LGSN: variants seen among roughly 807,000 people sequenced by gnomAD.
The protein encoded by LGSN is lengsin, lens protein with glutamine synthetase domain, also known as lengsin.
In LGSN, 21 loss-of-function variants were observed where a neutral mutation model predicts 19.5. The ratio of observed to expected loss-of-function variants is 1.07; its 90% CI spans 0.76 to 1.55. The LOEUF (loss-of-function observed/expected upper bound fraction) is 1.55. Ranked by LOEUF, LGSN falls within the 40% of genes most tolerant of loss-of-function variation. The probability of loss-of-function intolerance (pLI) is 0.00; values close to 1 mark genes in which losing one functional copy is unlikely to be tolerated. For synonymous variants in LGSN, 257 were observed against 215.6 expected, an observed-to-expected ratio of 1.19 and a Z score of -1.68; for missense variants, 673 against 608.5, an observed-to-expected ratio of 1.11 and a Z score of -1.12.
the LGSN span, among the ~76,000 whole-genome samples, chr6:63,558,832 C>T: frequency 6.6e-6 from 1 of 152,112 alleles, no homozygotes; most frequent in Admixed American, 6.5e-5. Flanking sequence ...CCCAGGGGCC[C>T]CCATAAGAGA....
the LGSN span, among the ~76,000 whole-genome samples, chr6:63,403,942 CTCTT>C: frequency 6.8e-6 from 1 of 146,938 alleles, no homozygotes; most frequent in African/African-American, 2.7e-5. Context: ...GCTAGCCTCT[CTCTT>C]TCTCTCTCTC....
At chr6:63,505,820 C>T in the LGSN span, among the ~76,000 whole-genome samples, 4 of 151,988 alleles carry the variant, frequency 2.6e-5, no homozygotes, top group South Asian at 2.1e-4. Flanking sequence ...CCACCACGCC[C>T]GGCTAATTTT....
chr6:63,480,110 C>A, the LGSN span: 2 of 194,344 alleles, frequency 1.0e-5, no homozygotes, highest in East Asian at 1.3e-4. Flanking sequence ...TGCTGCTACC[C>A]AGCTCTCAGA....
the LGSN span, among the ~76,000 whole-genome samples, chr6:63,327,295 C>T: frequency 6.6e-6 from 1 of 152,186 alleles, no homozygotes; most frequent in Admixed American, 6.5e-5. Flanking sequence ...GTTAAAAATA[C>T]AGGCCCCAAA....
At chr6:63,568,099 A>G in the LGSN span, among the ~76,000 whole-genome samples, 1 of 152,204 alleles carries the variant, frequency 6.6e-6, no homozygotes, top group Non-Finnish European at 1.5e-5. Flanking sequence ...CTTATCAACA[A>G]TGAGGCTGTT....
At chr6:63,523,045 A>G in the LGSN span, among the ~76,000 whole-genome samples, 1 of 151,742 alleles carries the variant, frequency 6.6e-6, no homozygotes. Context: ...TTGTATTTTT[A>G]GCAGACATGG....
Position 63,316,816 on chromosome 6 carries a change from G to T in LGSN, c.30+3098C>A, listed in dbSNP as rs1392500635. Among the ~76,000 whole-genome samples, 5 of 151,910 alleles carry T rather than the reference G, an allele frequency of 3.3e-5. No homozygotes were observed. The East Asian group carries it at 9.7e-4, about 29-fold the overall frequency. The stretch of plus-strand genomic sequence containing the variant: ...GGCTCTGTAATATAGTATGAAAAAA[G>T]ATCCAAGAATGTTATGGAACTGTTC... On this transcript the variant is annotated intron_variant, in intron 1 of 3. Transcript: ENST00000370657.
intron 3 of LGSN, 21 bp downstream of exon 3, chr6:63,285,566 T>C (rs377584886): frequency 1.3e-6 from 2 of 1,591,194 alleles, no homozygotes; most frequent in Admixed American, 1.7e-5. Flanking sequence ...TTACATTTAG[T>C]CACAACTGTG....
chr6:63,361,887 C>T, the LGSN span, among the ~76,000 whole-genome samples: 1 of 152,134 alleles, frequency 6.6e-6, no homozygotes, highest in Non-Finnish European at 1.5e-5. Flanking sequence ...AGGTTGATTA[C>T]CTGTCAACTT....
At chr6:63,563,703 T>C in the LGSN span, among the ~76,000 whole-genome samples, 1 of 152,098 alleles carries the variant, frequency 6.6e-6, no homozygotes. Flanking sequence ...ACATATGTGT[T>C]GGGGAAGGAG....
chr6:63,391,822 G>A, the LGSN span, among the ~76,000 whole-genome samples: 1 of 152,226 alleles, frequency 6.6e-6, no homozygotes, highest in South Asian at 2.1e-4. Flanking sequence ...TAAAGCATAA[G>A]GGCCCTAGGA....
At chr6:63,509,155 C>A in the LGSN span, among the ~76,000 whole-genome samples, 19 of 151,620 alleles carry the variant, frequency 1.3e-4, 1 homozygote, top group South Asian at 3.4e-3. Flanking sequence ...ACCTCCACCC[C>A]CTAGGTTCAA....
At chr6:63,412,734 A>AG in the LGSN span, among the ~76,000 whole-genome samples, 1 of 45,548 alleles carries the variant, frequency 2.2e-5, no homozygotes, top group Non-Finnish European at 4.1e-5. Flanking sequence ...AAAGAAAGAA[A>AG]GAAAGAAAGA....
the LGSN span, among the ~76,000 whole-genome samples, chr6:63,542,444 T>G: frequency 6.6e-6 from 1 of 152,048 alleles, no homozygotes; most frequent in South Asian, 2.1e-4. Context: ...AAAACTCTCC[T>G]TTGAACTCAA....
the LGSN span, among the ~76,000 whole-genome samples, chr6:63,521,982 C>T: frequency 2.0e-5 from 3 of 152,208 alleles, no homozygotes; most frequent in East Asian, 1.9e-4. Flanking sequence ...GGCACACACT[C>T]ATTTAGTGGC....
the LGSN span, among the ~76,000 whole-genome samples, chr6:63,371,949 C>A: frequency 3.9e-5 from 6 of 152,150 alleles, no homozygotes; most frequent in Admixed American, 3.9e-4. Flanking sequence ...CAAATCTTTT[C>A]ATTTTTCATG....
rs1411695942 is a variant in LGSN at position 63,280,652 on chromosome 6, G to T, written c.899C>A (p.Ala300Asp). ...AAATCCAGTCTCAATGAAGAAGCTGGCAATGTAATTATATTTCCTTGCCAC... is the reference window on the plus strand; with the variant it reads ...AAATCCAGTCTCAATGAAGAAGCTGTCAATGTAATTATATTTCCTTGCCAC... ...KEVARKYNYI[A>D]SFFIETGFCD... The change falls in exon 4 of 4, where the codon GCC becomes GAC. Residue 300 changes from alanine (A) to aspartate (D), a missense_variant. Coordinates refer to ENST00000370657, the MANE Select transcript of LGSN (RefSeq NM_016571.3). 5 of 1,614,058 alleles carry T rather than the reference G, an allele frequency of 3.1e-6. No homozygotes were observed. Among genetic ancestry groups the T allele is most frequent in the Non-Finnish European group, 4.2e-6 (5 of 1,180,022 alleles).
intron 2 of LGSN, among the ~76,000 whole-genome samples, chr6:63,286,568 C>A (rs1162080848): frequency 6.6e-6 from 1 of 152,190 alleles, no homozygotes; most frequent in Non-Finnish European, 1.5e-5. Context: ...ACCATCAGTC[C>A]ACTGCAGAAT....
chr6:63,349,758 A>T, the LGSN span, among the ~76,000 whole-genome samples: 2 of 152,182 alleles, frequency 1.3e-5, no homozygotes, highest in Admixed American at 1.3e-4. Context: ...AATAACACAA[A>T]TTTATGATAG....
Sources: allele counts gnomAD v4.1 joint callset (sites outside exome capture counted in the v4.1 genomes callset), GRCh38; gene constraint gnomAD v4.1.1; transcripts MANE v1.5; gene names NCBI Gene and HGNC (gene_info 2026-07-23, HGNC 2026-07-21).